WNT8A: variants seen among roughly 807,000 people sequenced by gnomAD.
The protein encoded by WNT8A is Wnt family member 8A.
In WNT8A, 14 loss-of-function variants were observed where a neutral mutation model predicts 20.5. That is an observed-to-expected ratio of 0.68 (90% CI 0.45 to 1.07). The LOEUF is 1.07. Ranked by LOEUF, WNT8A falls within the 50% of genes least tolerant of loss-of-function variation. The probability of loss-of-function intolerance (pLI) is 0.00; values close to 1 mark genes in which losing one functional copy is unlikely to be tolerated. For synonymous variants in WNT8A, 167 were observed against 169.2 expected (o/e 0.99, Z 0.10); for missense variants, 397 against 462.9 (o/e 0.86, Z 1.31).
intron 4 of WNT8A, among the ~76,000 whole-genome samples, chr5:138,089,836 G>A (rs1392739232): frequency 1.3e-5 from 2 of 152,094 alleles, no homozygotes; most frequent in African/African-American, 2.4e-5. Context: ...TAGTTTTTGT[G>A]GGTTTTGTAG....
At chr5:138,085,617 G>A (rs1171643529) in intron 2 of WNT8A, among the ~76,000 whole-genome samples, 1 of 152,138 alleles carries the variant, frequency 6.6e-6, no homozygotes, top group Admixed American at 6.6e-5. Flanking sequence ...GGAAGGCTAA[G>A]GCAGGAGGAT....
chr5:138,081,261 T>A (rs777942072), upstream of WNT8A, among the ~76,000 whole-genome samples: 9 of 151,800 alleles, frequency 5.9e-5, no homozygotes, highest in Admixed American at 1.3e-4. Context: ...ATATGATCTT[T>A]ATAGAATCTG....
At chr5:138,077,928 T>TC in the WNT8A span, among the ~76,000 whole-genome samples, 1 of 151,780 alleles carries the variant, frequency 6.6e-6, no homozygotes, top group African/African-American at 2.4e-5. Context: ...TTCAGACTGA[T>TC]CCCCCCTCAT....
chr5:138,080,552 C>T (rs1446268656), upstream of WNT8A, among the ~76,000 whole-genome samples: 2 of 142,016 alleles, frequency 1.4e-5, no homozygotes, highest in African/African-American at 5.2e-5. Flanking sequence ...AGGTGATTTG[C>T]CTGCCTTGGC....
In WNT8A at chr5:138,087,797, T is replaced by C; in HGVS notation, c.296-9T>C. 1 of 1,612,220 alleles carries C rather than the reference T, an allele frequency of 6.2e-7. No homozygotes were observed. Among genetic ancestry groups the C allele is most frequent in the Non-Finnish European group, 8.5e-7 (1 of 1,178,896 alleles). On this transcript the variant is annotated splice_polypyrimidine_tract_variant and intron_variant, in intron 2 of 4. Transcript: ENST00000506684. ...AGGTTTCCAGTCAGTTCCCTCTCTCTCTCCAAAGCTACCAGAGAGACTTCC... is the reference window on the plus strand; with the variant it reads ...AGGTTTCCAGTCAGTTCCCTCTCTCCCTCCAAAGCTACCAGAGAGACTTCC...
chr5:138,083,408 A>G (rs1389188283), upstream of WNT8A, among the ~76,000 whole-genome samples: 1 of 152,232 alleles, frequency 6.6e-6, no homozygotes, highest in Non-Finnish European at 1.5e-5. Context: ...ATAAAAGGAT[A>G]GATTTGCTAG....
chr5:138,088,899 G>A (rs372468441), intron 3 of WNT8A, 28 bp from the exon 4 acceptor site: 33 of 1,610,992 alleles, frequency 2.0e-5, no homozygotes, highest in African/African-American at 8.0e-5. Flanking sequence ...GGAGCTACAC[G>A]GAGAACTTAT....
intron 2 of WNT8A, among the ~76,000 whole-genome samples, chr5:138,087,504 T>C (rs1750704212): frequency 6.8e-6 from 1 of 146,396 alleles, no homozygotes; most frequent in South Asian, 2.2e-4. Flanking sequence ...AATACAAAAA[T>C]TAGCTGGGCA....
upstream of WNT8A, among the ~76,000 whole-genome samples, chr5:138,080,453 T>TC (rs1440948896): frequency 1.0e-5 from 1 of 96,488 alleles, no homozygotes; most frequent in Non-Finnish European, 2.3e-5. Context: ...TGTTTTTTTT[T>TC]TTTTTTTTTT....
At position 138,091,111 on chromosome 5, in the gene WNT8A, G is replaced by A. The variant is rs745401885; in HGVS notation, c.*38G>A. 6.3e-7 allele frequency: 1 copy of A among 1,586,594 alleles called. No homozygotes were observed. Among genetic ancestry groups the A allele is most frequent in the Non-Finnish European group, 8.6e-7 (1 of 1,167,442 alleles). On this transcript the variant is annotated 3_prime_UTR_variant, in exon 5 of 5. Transcript: ENST00000506684. ...CAAGTTCACTTGATTAATTGCATCA[G>A]TGGAAGGGGACATAGCTTCTCTCTT... is the stretch of plus-strand genomic sequence containing the variant.
In WNT8A at chr5:138,090,945, A is replaced by G. The variant is rs1295485314; in HGVS notation, c.982A>G (p.Ser328Gly). 6.2e-6 allele frequency: 10 copies of G among 1,614,080 alleles called. No homozygotes were observed. Among genetic ancestry groups the G allele is most frequent in the Non-Finnish European group, 8.5e-6 (10 of 1,180,050 alleles). ...GGAAGAGAGGAAAACTGAGGTCATAAGCAGCTGTAACTGCAAATTCCAGTG... is the reference window on the plus strand; with the variant it reads ...GGAAGAGAGGAAAACTGAGGTCATAGGCAGCTGTAACTGCAAATTCCAGTG... Reference protein sequence around the residue: ...QVEERKTEVISSCNCKFQWCC... With the variant: ...QVEERKTEVIGSCNCKFQWCC... The change falls in exon 5 of 5, where the codon AGC becomes GGC. Residue 328 changes from serine to glycine, a missense_variant. Coordinates refer to ENST00000506684, the MANE Select transcript of WNT8A (RefSeq NM_001300939.2).
At chr5:138,082,886 A>C (rs918591128), upstream of WNT8A, among the ~76,000 whole-genome samples, 1 of 135,050 alleles carries the variant, frequency 7.4e-6, no homozygotes, top group Non-Finnish European at 1.6e-5. Flanking sequence ...AAAATAAATA[A>C]ATAAATAAAT....
rs754685142 is a variant in WNT8A, at chr5:138,088,931, C to A, written c.426C>A (p.Gly142=). ...TTATTCTGTCCTTGTATATAGGAGGCCATGGCTGGATCTGGGGAGGCTGCA... is the reference window on the plus strand; with the variant it reads ...TTATTCTGTCCTTGTATATAGGAGGACATGGCTGGATCTGGGGAGGCTGCA... ...CDGSNNGKTG[G]HGWIWGGCSD... The change falls in exon 4 of 5, where the codon GGC becomes GGA. Residue 142 remains glycine (G), a synonymous_variant. Transcript: ENST00000506684. 6.2e-7 allele frequency: 1 copy of A among 1,613,624 alleles called. No homozygotes were observed. Among genetic ancestry groups the A allele is most frequent in the South Asian group, 1.1e-5 (1 of 90,980 alleles).
At chr5:138,087,702 A>T in intron 2 of WNT8A, 104 bp from the exon 3 acceptor site, 1 of 1,094,422 alleles carries the variant, frequency 9.1e-7, no homozygotes, top group Admixed American at 2.6e-5. Flanking sequence ...TTAAACCCAA[A>T]GGAAGTGGGG....
At chr5:138,089,096 T>G in intron 4 of WNT8A, 27 bp downstream of exon 4, 1 of 1,605,622 alleles carries the variant, frequency 6.2e-7, no homozygotes, top group Non-Finnish European at 8.5e-7. Context: ...TGGCCAGTAT[T>G]TCTACAGCTT....
At chr5:138,088,012 G>C in intron 3 of WNT8A, 81 bp downstream of exon 3, 1 of 1,575,196 alleles carries the variant, frequency 6.3e-7, no homozygotes. Flanking sequence ...CCAGAGAAAG[G>C]CTGAGGGACA....
intron 4 of WNT8A, among the ~76,000 whole-genome samples, chr5:138,089,649 G>A (rs1750783487): frequency 6.6e-6 from 1 of 152,138 alleles, no homozygotes; most frequent in African/African-American, 2.4e-5. Context: ...AGGGAAAGGG[G>A]GAAAGGGGTT....
chr5:138,091,384 C>A lies in WNT8A; in HGVS notation c.*311C>A, dbSNP rs1367570627. The A allele has an allele frequency of 1.4e-6, 2 of 1,393,994 alleles. No individual in the cohort carries two copies. The highest frequency in any genetic ancestry group is 8.0e-5 in the East Asian group (2 of 24,896). 86.4% of individuals were successfully genotyped at this position (1,393,994 alleles called of 1,614,324 possible). ...GGAGAGTTTGGTTTGGGGTCTATAT[C>A]TAGAGGGACCTTCAAAGTATTTGTT... On this transcript the variant is annotated 3_prime_UTR_variant, in exon 5 of 5. Transcript: ENST00000506684.
Position 138,090,978 on chromosome 5 carries a change from A to T in WNT8A, c.1015A>T (p.Thr339Ser), listed in dbSNP as rs767653362. The change falls in exon 5 of 5, where the codon ACG (threonine) becomes TCG (serine). Residue 339 changes from threonine to serine, a missense_variant. Physicochemically the swap from Thr to Ser is moderately conservative, Grantham distance 58. Coordinates refer to ENST00000506684, the MANE Select transcript of WNT8A (RefSeq NM_001300939.2). Reference protein sequence around the residue: ...SCNCKFQWCCTVKCDQCRHVV... With the variant: ...SCNCKFQWCCSVKCDQCRHVV... ...TAACTGCAAATTCCAGTGGTGCTGT[A>T]CGGTCAAGTGTGACCAGTGTAGGCA... The T allele has an allele frequency of 2.5e-6, 4 of 1,614,200 alleles. No individual in the cohort carries two copies. The Admixed American group carries it at 6.7e-5, about 27-fold the overall frequency.
Sources: gnomAD v4.1 joint callset for allele counts (sites outside exome capture counted in the v4.1 genomes callset) on GRCh38, gnomAD v4.1.1 for gene constraint, MANE v1.5 for transcripts, NCBI Gene and HGNC (gene_info 2026-07-23, HGNC 2026-07-21) for gene names.